The following GCNT4 variants were observed in gnomAD, a reference collection of about 807,000 sequenced individuals.
GCNT4 encodes the protein beta-1,3-galactosyl-O-glycosyl-glycoprotein beta-1,6-N-acetylglucosaminyltransferase 4.
GCNT4 carries 17 observed loss-of-function variants against 31.3 expected under a neutral mutation model. That is an observed-to-expected ratio of 0.54 (90% CI 0.37 to 0.81). GCNT4 has a LOEUF of 0.81. GCNT4 is among the 40% of genes least tolerant of loss of function. GCNT4 has a pLI of 0.00. For missense variants in GCNT4, 503 were observed against 525.5 expected (o/e 0.96, Z 0.42); for synonymous variants, 158 against 190.6 (o/e 0.83, Z 1.41).
chr5:75,044,677 T>G (rs184695190), intron 3 of GCNT4, among the ~76,000 whole-genome samples: 1 of 152,072 alleles, frequency 6.6e-6, no homozygotes, highest in Admixed American at 6.6e-5. Flanking sequence ...GCGTGCTGCA[T>G]GCACTCCCGC....
chr5:75,029,372 A>G lies in GCNT4; in HGVS notation c.666T>C (p.Tyr222=), dbSNP rs377476010. The change falls in exon 4 of 4, where the codon TAT becomes TAC. Residue 222 remains tyrosine, a synonymous_variant. Transcript: ENST00000652361. The part of the protein sequence containing the change: ...DLLKSSIQWK[Y]VINLCGQDFP... ...AATCTTGCCCACACAAGTTGATAAC[A>G]TATTTCCACTGGATTGAAGACTTCA... is the stretch of plus-strand genomic sequence containing the variant. 1.5e-5 allele frequency: 25 copies of G among 1,614,082 alleles called. No individual in the cohort carries two copies. The African/African-American group carries it at 2.4e-4, about 16-fold the overall frequency.
intron 3 of GCNT4, among the ~76,000 whole-genome samples, chr5:75,033,398 T>C (rs2149957670): frequency 6.6e-6 from 1 of 152,156 alleles, no homozygotes; most frequent in Non-Finnish European, 1.5e-5. Context: ...GAGAAGTCCT[T>C]TGGAAACTGG....
At chr5:75,041,907 T>C (rs2149969755) in intron 3 of GCNT4, among the ~76,000 whole-genome samples, 1 of 152,354 alleles carries the variant, frequency 6.6e-6, no homozygotes, top group East Asian at 1.9e-4. Flanking sequence ...GTTTTTGTTT[T>C]GTAATAGATT....
At chr5:75,031,976 G>A (rs1743073218) in intron 3 of GCNT4, among the ~76,000 whole-genome samples, 1 of 152,138 alleles carries the variant, frequency 6.6e-6, no homozygotes, top group South Asian at 2.1e-4. Context: ...TTTCATTCAA[G>A]AGAATTGCCA....
At chr5:75,031,337 G>A (rs953434977) in intron 3 of GCNT4, among the ~76,000 whole-genome samples, 3 of 152,162 alleles carry the variant, frequency 2.0e-5, no homozygotes, top group Non-Finnish European at 4.4e-5. Context: ...CTCCCAAAGT[G>A]CTGGGATTAC....
intron 3 of GCNT4, among the ~76,000 whole-genome samples, chr5:75,038,660 G>GA (rs1743252067): frequency 6.6e-6 from 1 of 152,192 alleles, no homozygotes; most frequent in Non-Finnish European, 1.5e-5. Flanking sequence ...GCAAAGGGGG[G>GA]GAGAGGTGAA....
chr5:75,035,686 G>A (rs868187037), intron 3 of GCNT4, among the ~76,000 whole-genome samples: 4 of 152,182 alleles, frequency 2.6e-5, no homozygotes, highest in Admixed American at 1.3e-4. Flanking sequence ...CTACCCCAAC[G>A]CTGGCGCTTT....
rs1358084303 is a variant in GCNT4, at chr5:75,030,050, GA to G, written c.-1-13del. The G allele has an allele frequency of 9.5e-6, 15 of 1,571,852 alleles. No individual in the cohort carries two copies. The Middle Eastern group carries it at 6.9e-4, about 73-fold the overall frequency. On this transcript the variant is annotated splice_polypyrimidine_tract_variant and intron_variant, in intron 3 of 3. Coordinates refer to ENST00000652361, the MANE Select transcript of GCNT4 (RefSeq NM_001366737.1). ...TGAATATCTTCATTCTGTAAGAGGA[GA>G]AAGAAATAATCCAGTTGGAATATTA...
chr5:75,035,224 C>T (rs1430957659), intron 3 of GCNT4, among the ~76,000 whole-genome samples: 1 of 152,284 alleles, frequency 6.6e-6, no homozygotes, highest in African/African-American at 2.4e-5. Flanking sequence ...TAAATGGCTA[C>T]AACCATTAGC....
At position 75,027,474 on chromosome 5, in the gene GCNT4, G is replaced by A. The variant is rs1425501172; in HGVS notation, c.*1202C>T. ...ATATATATTTTTGACTCATTGGGTG[G>A]TTTTCTCAAGTGTGGGTTTTAGAAA... is the stretch of plus-strand genomic sequence containing the variant. On this transcript the variant is annotated 3_prime_UTR_variant, in exon 4 of 4. Transcript: ENST00000652361. 1 of 146,752 alleles carries A rather than the reference G, an allele frequency of 6.8e-6. No individual in the cohort carries two copies. The highest frequency in any genetic ancestry group is 1.5e-5 in the Non-Finnish European group (1 of 67,022). 9.1% of individuals were successfully genotyped at this position (146,752 alleles called of 1,614,324 possible).
At chr5:75,052,043 A>G (rs1018617009) in intron 2 of GCNT4, 126 bp downstream of exon 2, 4 of 152,202 alleles carry the variant, frequency 2.6e-5, no homozygotes, top group African/African-American at 9.7e-5. Context: ...TACTTCCTTA[A>G]GAGACTATCA....
chr5:75,029,525 G>A lies in GCNT4; in HGVS notation c.513C>T (p.Thr171=). The A allele has an allele frequency of 6.2e-7, 1 of 1,614,104 alleles. No individual in the cohort carries two copies. Among genetic ancestry groups the A allele is most frequent in the South Asian group, 1.1e-5 (1 of 91,074 alleles). The part of the protein sequence containing the change: ...CIHYDRKAPD[T]FKVAMNNLAK... Reference sequence around the variant, plus strand: ...CTAAATTGTTCATGGCAACTTTGAAGGTATCAGGTGCCTTACGATCATAAT... The same window carrying A: ...CTAAATTGTTCATGGCAACTTTGAAAGTATCAGGTGCCTTACGATCATAAT... The change falls in exon 4 of 4, where the codon ACC becomes ACT. Residue 171 remains threonine (T), a synonymous_variant. Transcript: ENST00000652361.
chr5:75,053,429 C>T (rs1743635467), upstream of GCNT4, among the ~76,000 whole-genome samples: 1 of 152,084 alleles, frequency 6.6e-6, no homozygotes, highest in African/African-American at 2.4e-5. Flanking sequence ...AGGGTCGGGG[C>T]GTCCCGGCGG....
downstream of GCNT4, among the ~76,000 whole-genome samples, chr5:75,021,521 T>C (rs1261263081): frequency 2.0e-5 from 3 of 152,180 alleles, no homozygotes; most frequent in Non-Finnish European, 4.4e-5. Flanking sequence ...AAGGGCTGAG[T>C]AGACAGAAAC....
At chr5:75,045,817 G>A (rs181874006) in intron 3 of GCNT4, among the ~76,000 whole-genome samples, 56 of 152,284 alleles carry the variant, frequency 3.7e-4, no homozygotes, top group Admixed American at 1.1e-3. Flanking sequence ...TAAACAGTGA[G>A]GTCCTAAGTG....
chr5:75,040,735 GTGTTA>G (rs2149968089), intron 3 of GCNT4, among the ~76,000 whole-genome samples: 1 of 152,308 alleles, frequency 6.6e-6, no homozygotes, highest in Admixed American at 6.5e-5. Context: ...AAGAGTCAAT[GTGTTA>G]TAAGTTGGTT....
chr5:75,039,839 A>G (rs931495294), intron 3 of GCNT4, among the ~76,000 whole-genome samples: 1 of 152,226 alleles, frequency 6.6e-6, no homozygotes, highest in South Asian at 2.1e-4. Flanking sequence ...TTAAACATAC[A>G]AATCAGATCA....
chr5:75,017,083 C>A, the GCNT4 span, among the ~76,000 whole-genome samples: 3 of 152,166 alleles, frequency 2.0e-5, no homozygotes, highest in Non-Finnish European at 2.9e-5. Context: ...GGAGAGGGAG[C>A]CAGTCTTACT....
intron 3 of GCNT4, among the ~76,000 whole-genome samples, chr5:75,046,457 A>G (rs1743440739): frequency 6.6e-6 from 1 of 152,190 alleles, no homozygotes; most frequent in African/African-American, 2.4e-5. Context: ...TCCTGGGCCG[A>G]ACTGTCCCCC....
Sources: allele counts gnomAD v4.1 joint callset (sites outside exome capture counted in the v4.1 genomes callset), GRCh38; gene constraint gnomAD v4.1.1; transcripts MANE v1.5; gene names NCBI Gene and HGNC (gene_info 2026-07-23, HGNC 2026-07-21).